The following SMAD6 variants were observed in gnomAD, a reference collection of about 807,000 sequenced individuals.
SMAD6 encodes SMAD family member 6, also known as MAD homolog 6.
A neutral mutation model predicts 39.4 loss-of-function variants in SMAD6; 103 were observed. That is an observed-to-expected ratio of 2.62 (90% CI 2.23 to 3.08). SMAD6 has a LOEUF of 3.08. Ranked by LOEUF, SMAD6 falls within the 30% of genes most tolerant of loss-of-function variation. The probability of loss-of-function intolerance (pLI) is 0.00; values close to 1 mark genes in which losing one functional copy is unlikely to be tolerated. For synonymous variants in SMAD6, 445 were observed against 353.3 expected, an observed-to-expected ratio of 1.26 and a Z score of -2.91; for missense variants, 1,104 against 742.9, an observed-to-expected ratio of 1.49 and a Z score of -5.65.
At chr15:66,714,523 C>T (rs1489143166) in intron 2 of SMAD6, among the ~76,000 whole-genome samples, 2 of 152,150 alleles carry the variant, frequency 1.3e-5, no homozygotes, top group Admixed American at 6.5e-5. Context: ...ATGGCTGAGG[C>T]AGAGTTGAGT....
chr15:66,773,669 GCATGACACGGGA>G (rs1161243925), intron 3 of SMAD6, among the ~76,000 whole-genome samples: 1 of 152,162 alleles, frequency 6.6e-6, no homozygotes, highest in Non-Finnish European at 1.5e-5. Context: ...GAAGCCACAG[GCATGACACGGGA>G]CAGAAGAAAG....
rs1322757619 is a variant in SMAD6, at chr15:66,782,020, A to G, written c.*485A>G. ...TTTAAACTGTCTTCTTTTTACAAAGAGGGGCAGGTAGGGCTTCAGCGGATT... is the reference window on the plus strand; with the variant it reads ...TTTAAACTGTCTTCTTTTTACAAAGGGGGGCAGGTAGGGCTTCAGCGGATT... On this transcript the variant is annotated 3_prime_UTR_variant, in exon 4 of 4. Coordinates refer to ENST00000288840, the MANE Select transcript of SMAD6 (RefSeq NM_005585.5). 5 of 398,638 alleles carry G rather than the reference A, an allele frequency of 1.3e-5. No individual in the cohort carries two copies. Among genetic ancestry groups the G allele is most frequent in the Non-Finnish European group, 2.2e-5 (5 of 226,002 alleles). The allele number at this position is 398,638 out of a possible 1,614,324, so 24.7% of individuals were successfully genotyped here.
intron 1 of SMAD6, chr15:66,705,281 G>A (rs1472770429): frequency 6.7e-6 from 1 of 150,312 alleles, no homozygotes; most frequent in Non-Finnish European, 1.5e-5. Flanking sequence ...GTCTGGAGAG[G>A]AAAGGAAGTT....
rs1894561423 is a variant in SMAD6, at chr15:66,781,236, G to A, written c.1192G>A (p.Asp398Asn). 1.2e-6 allele frequency: 2 copies of A among 1,608,596 alleles called. No individual in the cohort carries two copies. The highest frequency in any genetic ancestry group is 4.5e-5 in the East Asian group (2 of 44,874). Residue 398 changes from aspartate (D) to asparagine (N), a missense_variant, in exon 4 of 4, where the codon GAC becomes AAC. Coordinates refer to ENST00000288840, the MANE Select transcript of SMAD6 (RefSeq NM_005585.5). ...CGGCATCCTGCTCAGCAAGGAGCCCGACGGCGTGTGGGCCTACAACCGCGG... is the reference window on the plus strand; with the variant it reads ...CGGCATCCTGCTCAGCAAGGAGCCCAACGGCGTGTGGGCCTACAACCGCGG... ...GFGILLSKEPDGVWAYNRGEH... is the reference protein window; with the variant it reads ...GFGILLSKEPNGVWAYNRGEH...
At chr15:66,762,388 TCTG>T (rs774615893) in intron 3 of SMAD6, among the ~76,000 whole-genome samples, 10 of 152,152 alleles carry the variant, frequency 6.6e-5, no homozygotes, top group Non-Finnish European at 1.5e-5. Context: ...CAGTGGCACT[TCTG>T]CTGGCTGAAA....
intron 3 of SMAD6, among the ~76,000 whole-genome samples, chr15:66,741,304 C>T (rs1357273335): frequency 6.6e-6 from 1 of 152,072 alleles, no homozygotes; most frequent in African/African-American, 2.4e-5. Context: ...GCTACTATAC[C>T]CCATTTGAGG....
At chr15:66,725,047 C>G (rs1893498738) in intron 3 of SMAD6, among the ~76,000 whole-genome samples, 1 of 152,188 alleles carries the variant, frequency 6.6e-6, no homozygotes, top group Admixed American at 6.5e-5. Flanking sequence ...GCATGCTTTC[C>G]CTGGGCGTCT....
intron 3 of SMAD6, among the ~76,000 whole-genome samples, chr15:66,771,725 T>C (rs1030442886): frequency 1.7e-4 from 26 of 152,192 alleles, no homozygotes; most frequent in Non-Finnish European, 3.4e-4. Flanking sequence ...CCTCCTGGAC[T>C]TGCACAGTTC....
intron 3 of SMAD6, among the ~76,000 whole-genome samples, chr15:66,738,840 G>A (rs1188035805): frequency 6.6e-6 from 1 of 152,142 alleles, no homozygotes; most frequent in African/African-American, 2.4e-5. Flanking sequence ...GTCATGGATG[G>A]TGGAGGCCGA....
At position 66,781,441 on chromosome 15, in the gene SMAD6, T is replaced by A; in HGVS notation, c.1397T>A (p.Ile466Asn). The change falls in exon 4 of 4, where the codon ATC (isoleucine) becomes AAC (asparagine). Residue 466 changes from isoleucine to asparagine, a missense_variant. Ile to Asn is a moderately radical substitution (Grantham distance 149). Transcript: ENST00000288840. ...DGPYDPNSVR[I>N]SFAKGWGPCY... ...CCCTACGACCCCAACAGCGTCCGCA[T>A]CAGCTTCGCCAAGGGCTGGGGGCCC... The A allele has an allele frequency of 6.2e-7, 1 of 1,605,386 alleles. No homozygotes were observed. Among genetic ancestry groups the A allele is most frequent in the African/African-American group, 1.3e-5 (1 of 74,890 alleles).
intron 3 of SMAD6, among the ~76,000 whole-genome samples, chr15:66,742,338 A>C (rs967295311): frequency 2.0e-5 from 3 of 146,914 alleles, no homozygotes; most frequent in Non-Finnish European, 4.6e-5. Flanking sequence ...AACTTGGGGT[A>C]CCTGGAAGCT....
chr15:66,750,667 G>A (rs1893988714), intron 3 of SMAD6, among the ~76,000 whole-genome samples: 1 of 152,174 alleles, frequency 6.6e-6, no homozygotes, highest in Non-Finnish European at 1.5e-5. Context: ...GAGAGTGCTG[G>A]GAAGGGAAGA....
chr15:66,706,788 A>T (rs954246563), intron 1 of SMAD6: 2 of 152,352 alleles, frequency 1.3e-5, no homozygotes, highest in African/African-American at 4.8e-5. Context: ...CCGGTGACAG[A>T]AGACCCCTTC....
rs1199495614 is a variant in SMAD6, at chr15:66,703,516, A to AG, written c.263dup (p.Arg91GlufsTer30). The AG allele has an allele frequency of 8.2e-7, 1 of 1,222,236 alleles. No homozygotes were observed. The highest frequency in any genetic ancestry group is 1.0e-6 in the Non-Finnish European group (1 of 979,182). The allele number at this position is 1,222,236 out of a possible 1,614,324, so 75.7% of individuals were successfully genotyped here. A position where few individuals can be genotyped will look rare whatever the true frequency, so the allele number is the denominator to read the frequency against. ...AGGGCGCGGGGAGGCGCCGGCGCGCAGGGGGCCCCCCGAGGCCCATGTCGG... is the reference window on the plus strand; with the variant it reads ...AGGGCGCGGGGAGGCGCCGGCGCGCAGGGGGGCCCCCCGAGGCCCATGTCGG... On this transcript the variant is annotated frameshift_variant, in exon 1 of 4. Coordinates refer to ENST00000288840, the MANE Select transcript of SMAD6 (RefSeq NM_005585.5). LOFTEE classifies it high-confidence loss of function.
intron 3 of SMAD6, among the ~76,000 whole-genome samples, chr15:66,744,890 C>T (rs980497273): frequency 4.6e-5 from 7 of 152,150 alleles, no homozygotes; most frequent in East Asian, 1.9e-4. Flanking sequence ...CCTGACTGAG[C>T]CTCAGTTTTC....
In SMAD6 at chr15:66,781,406, C is replaced by T. The variant is rs749785381; in HGVS notation, c.1362C>T (p.Ala454=). ...TGCAGCACGCGCCCGAGCCCGACGC[C>T]GCCGACGGCCCCTACGACCCCAACA... ...SGLQHAPEPD[A]ADGPYDPNSV... Residue 454 remains alanine (A), a synonymous_variant, in exon 4 of 4, where the codon GCC becomes GCT. Coordinates refer to ENST00000288840, the MANE Select transcript of SMAD6 (RefSeq NM_005585.5). 9.4e-6 allele frequency: 15 copies of T among 1,603,438 alleles called. No homozygotes were observed. Among genetic ancestry groups the T allele is most frequent in the Middle Eastern group, 3.3e-4 (2 of 6,050 alleles).
In SMAD6 at chr15:66,704,040, G is replaced by A; in HGVS notation, c.782G>A (p.Cys261Tyr). Residue 261 changes from cysteine (C) to tyrosine (Y), a missense_variant, in exon 1 of 4, where the codon TGC (cysteine) becomes TAC (tyrosine). By Grantham distance (194) the Cys-to-Tyr change is radical (BLOSUM62 -2). Coordinates refer to ENST00000288840, the MANE Select transcript of SMAD6 (RefSeq NM_005585.5). ...GCCGCCGACGGCCCTACCGTGTGCT[G>A]CAACCCCTACCACTTCAGCCGGCTC... Reference protein sequence around the residue: ...AAAADGPTVCCNPYHFSRLCG... With the variant: ...AAAADGPTVCYNPYHFSRLCG... 2.6e-6 allele frequency: 4 copies of A among 1,512,392 alleles called. No individual in the cohort carries two copies. The highest frequency in any genetic ancestry group is 3.5e-6 in the Non-Finnish European group (4 of 1,139,568). The allele number at this position is 1,512,392 out of a possible 1,614,324, so 93.7% of individuals were successfully genotyped here.
At chr15:66,736,575 G>A (rs1397373002) in intron 3 of SMAD6, among the ~76,000 whole-genome samples, 1 of 152,074 alleles carries the variant, frequency 6.6e-6, no homozygotes, top group Non-Finnish European at 1.5e-5. Flanking sequence ...AGGATCATTC[G>A]GACAGCTTTG....
rs1893052298 is a variant in SMAD6 at position 66,704,055 on chromosome 15, T to C, written c.797T>C (p.Phe266Ser). The change falls in exon 1 of 4, where the codon TTC becomes TCC. Residue 266 changes from phenylalanine (F) to serine (S), a missense_variant. Phe to Ser is a radical substitution (Grantham distance 155, BLOSUM62 -2). Coordinates refer to ENST00000288840, the MANE Select transcript of SMAD6 (RefSeq NM_005585.5). ...GPTVCCNPYH[F>S]SRLCGPESPP... ...ACCGTGTGCTGCAACCCCTACCACT[T>C]CAGCCGGCTCTGCGGGCCCGGTGAG... 2 of 1,502,624 alleles carry C rather than the reference T, an allele frequency of 1.3e-6. No homozygotes were observed. Among genetic ancestry groups the C allele is most frequent in the Admixed American group, 4.2e-5 (2 of 47,966 alleles). The allele number at this position is 1,502,624 out of a possible 1,614,324, so 93.1% of individuals were successfully genotyped here. A position where few individuals can be genotyped will look rare whatever the true frequency, so the allele number is the denominator to read the frequency against.
Sources: allele counts gnomAD v4.1 joint callset (sites outside exome capture counted in the v4.1 genomes callset), GRCh38; gene constraint gnomAD v4.1.1; transcripts MANE v1.5; gene names NCBI Gene and HGNC (gene_info 2026-07-23, HGNC 2026-07-21).